The following SLC4A4 variants were observed in gnomAD, a reference collection of about 807,000 sequenced individuals.
The protein encoded by SLC4A4 is electrogenic sodium bicarbonate cotransporter 1.
Under a neutral mutation model 111.5 loss-of-function variants are expected in SLC4A4, and 27 were observed. That is an observed-to-expected ratio of 0.24 (90% confidence interval 0.18 to 0.33). The LOEUF is 0.33. Among genes scored for constraint, SLC4A4 ranks in the 10% least tolerant of loss-of-function variants. The pLI is 1.00. For synonymous variants in SLC4A4, 443 were observed against 463.4 expected (o/e 0.96, Z 0.57); for missense variants, 909 against 1,315.5 (o/e 0.69, Z 4.78).
chr4:71,227,547 G>A (rs1719130658), intron 1 of SLC4A4, among the ~76,000 whole-genome samples: 1 of 152,118 alleles, frequency 6.6e-6, no homozygotes, highest in Non-Finnish European at 1.5e-5. Context: ...CTTGCAGGGT[G>A]GGCTTTCAGC....
At chr4:71,086,756 C>A (rs927358582) in intron 1 of SLC4A4, among the ~76,000 whole-genome samples, 3 of 152,072 alleles carry the variant, frequency 2.0e-5, no homozygotes, top group African/African-American at 7.2e-5. Flanking sequence ...GGATAAAGCC[C>A]ACTTGATCGT....
chr4:71,381,410 C>T (rs1718129237), intron 6 of SLC4A4, among the ~76,000 whole-genome samples: 1 of 152,046 alleles, frequency 6.6e-6, no homozygotes, highest in Non-Finnish European at 1.5e-5. Flanking sequence ...TTCCTCTTAC[C>T]CAGATAGTGG....
chr4:71,118,442 T>C (rs1161040970), intron 2 of SLC4A4, among the ~76,000 whole-genome samples: 3 of 152,224 alleles, frequency 2.0e-5, no homozygotes, highest in Non-Finnish European at 4.4e-5. Context: ...GGTATTACTA[T>C]TGTTATATTA....
intron 7 of SLC4A4, among the ~76,000 whole-genome samples, chr4:71,435,993 A>G (rs1724099995): frequency 6.6e-6 from 1 of 152,224 alleles, no homozygotes; most frequent in South Asian, 2.1e-4. Context: ...TGTGGAAGAT[A>G]GTGTGGTGAT....
intron 15 of SLC4A4, among the ~76,000 whole-genome samples, chr4:71,490,696 C>T (rs1336882320): frequency 6.6e-6 from 1 of 151,808 alleles, no homozygotes; most frequent in East Asian, 1.9e-4. Flanking sequence ...GCTTTCCTGT[C>T]CAACCCCCAG....
chr4:71,088,613 C>T (rs1245282107), intron 1 of SLC4A4, among the ~76,000 whole-genome samples: 1 of 151,954 alleles, frequency 6.6e-6, no homozygotes, highest in Admixed American at 6.5e-5. Flanking sequence ...GTGACAAAAT[C>T]TCTCAGTATT....
chr4:71,332,659 C>G (rs188184182), intron 3 of SLC4A4, among the ~76,000 whole-genome samples: 2,104 of 152,122 alleles, frequency 0.014, 54 homozygotes, highest in African/African-American at 0.048. Context: ...GTCTCGATCT[C>G]CTGACCTCGT....
intron 6 of SLC4A4, among the ~76,000 whole-genome samples, chr4:71,371,837 G>A (rs139060415): frequency 6.6e-6 from 1 of 152,062 alleles, no homozygotes; most frequent in Admixed American, 6.6e-5. Context: ...CTTGAAACAA[G>A]GGTGTTGTAC....
At chr4:71,395,558 G>A (rs1719745342) in intron 6 of SLC4A4, among the ~76,000 whole-genome samples, 1 of 152,016 alleles carries the variant, frequency 6.6e-6, no homozygotes, top group African/African-American at 2.4e-5. Flanking sequence ...ATGATGAGAC[G>A]GTATATAAGG....
chr4:71,452,676 G>A (rs1577939995), intron 11 of SLC4A4, among the ~76,000 whole-genome samples: 1 of 152,184 alleles, frequency 6.6e-6, no homozygotes, highest in Admixed American at 6.5e-5. Context: ...GCTTGGTTGG[G>A]AGGGTGAGTA....
chr4:71,484,776 G>A (rs66893592), intron 14 of SLC4A4, among the ~76,000 whole-genome samples: 15,260 of 151,540 alleles, frequency 0.1, 1,428 homozygotes, highest in East Asian at 0.43. Flanking sequence ...ATATTGATTC[G>A]TCTTATCCAT....
intron 12 of SLC4A4, among the ~76,000 whole-genome samples, chr4:71,463,487 T>G (rs1727029708): frequency 6.6e-6 from 1 of 152,200 alleles, no homozygotes. Context: ...ATCTCTAAGT[T>G]TAAGCAAGTT....
intron 7 of SLC4A4, among the ~76,000 whole-genome samples, chr4:71,407,957 T>C (rs1721019735): frequency 6.6e-6 from 1 of 152,166 alleles, no homozygotes; most frequent in African/African-American, 2.4e-5. Context: ...ATATTCATTC[T>C]CACTATAGAT....
At chr4:71,335,479 A>G (rs1728357365) in intron 3 of SLC4A4, among the ~76,000 whole-genome samples, 1 of 152,290 alleles carries the variant, frequency 6.6e-6, no homozygotes, top group Middle Eastern at 3.4e-3. Flanking sequence ...AGGCATTGCA[A>G]ATATTTTTAC....
chr4:71,301,813 C>G (rs1026345649), intron 3 of SLC4A4, among the ~76,000 whole-genome samples: 2 of 152,212 alleles, frequency 1.3e-5, no homozygotes, highest in Admixed American at 6.5e-5. Flanking sequence ...ATCCCAGCCA[C>G]CTCTGCTGTT....
chr4:71,092,304 T>A (rs934854363), intron 1 of SLC4A4, among the ~76,000 whole-genome samples: 14 of 152,202 alleles, frequency 9.2e-5, no homozygotes, highest in African/African-American at 3.4e-4. Flanking sequence ...TTTCAATAGA[T>A]TTCTCTCTTT....
At chr4:71,256,598 C>A (rs1470834578) in intron 3 of SLC4A4, among the ~76,000 whole-genome samples, 2 of 152,054 alleles carry the variant, frequency 1.3e-5, no homozygotes, top group Non-Finnish European at 2.9e-5. Flanking sequence ...GACCAGAAGG[C>A]AGGAGACTCA....
At chr4:71,514,005 T>C (rs1242749979) in intron 16 of SLC4A4, among the ~76,000 whole-genome samples, 1 of 152,224 alleles carries the variant, frequency 6.6e-6, no homozygotes, top group Non-Finnish European at 1.5e-5. Context: ...TGGTATATTA[T>C]CTTGTAGATG....
chr4:71,306,515 G>A (rs1232263683), intron 3 of SLC4A4, among the ~76,000 whole-genome samples: 4 of 152,066 alleles, frequency 2.6e-5, no homozygotes, highest in Non-Finnish European at 5.9e-5. Context: ...CCCAGGAGGC[G>A]GGGGTTGCAG....
Sources: allele counts gnomAD v4.1 joint callset (sites outside exome capture counted in the v4.1 genomes callset), GRCh38; gene constraint gnomAD v4.1.1; transcripts MANE v1.5; gene names NCBI Gene and HGNC (gene_info 2026-07-23, HGNC 2026-07-21).